DENND3: variants seen among roughly 807,000 people sequenced by gnomAD.
DENND3 encodes DENN domain containing 3.
DENND3 carries 88 observed loss-of-function variants against 135.1 expected under a neutral mutation model. That is an observed-to-expected ratio of 0.65 (90% CI 0.55 to 0.78). The LOEUF is 0.78. Ranked by LOEUF, DENND3 falls within the 30% of genes least tolerant of loss-of-function variation. The probability of loss-of-function intolerance (pLI) is 0.00; values close to 1 mark genes in which losing one functional copy is unlikely to be tolerated. For missense variants in DENND3, 1,392 were observed against 1,688.4 expected, an observed-to-expected ratio of 0.82 and a Z score of 3.08; for synonymous variants, 693 against 712.3, an observed-to-expected ratio of 0.97 and a Z score of 0.43.
intron 5 of DENND3, among the ~76,000 whole-genome samples, chr8:141,145,802 ATTATATATAT>A: frequency 9.7e-6 from 1 of 103,002 alleles, no homozygotes; most frequent in Non-Finnish European, 2.1e-5. Flanking sequence ...AATATTGAAT[ATTATATATAT>A]ATATATATAT....
At chr8:141,152,020 G>A (rs376396989) in intron 7 of DENND3, among the ~76,000 whole-genome samples, 183 bp downstream of exon 7, 5 of 152,252 alleles carry the variant, frequency 3.3e-5, no homozygotes, top group African/African-American at 1.2e-4. Flanking sequence ...ATGAAGCCGG[G>A]ACCCCTTAGT....
chr8:141,165,421 G>C (rs1820649056), intron 11 of DENND3, 132 bp downstream of exon 11: 1 of 642,300 alleles, frequency 1.6e-6, no homozygotes, highest in Non-Finnish European at 2.7e-6. Flanking sequence ...ATGATGAACT[G>C]GGCGACAGCT....
In DENND3 at chr8:141,175,670, C is replaced by A; in HGVS notation, c.2535+211C>A. 1 of 675,838 alleles carries A rather than the reference C, an allele frequency of 1.5e-6. No individual in the cohort carries two copies. The highest frequency in any genetic ancestry group is 2.5e-6 in the Non-Finnish European group (1 of 393,038). The allele number at this position is 675,838 out of a possible 1,614,324, so 41.9% of individuals were successfully genotyped here. ...TGGGTGGTGGAGATTGAATAGTTTG[C>A]ATATGGAGCATGCTTAGAATGGTAA... On this transcript the variant is annotated intron_variant, in intron 14 of 22. Transcript: ENST00000519811. This position sits in a 1 kb window ranked among gnomAD's most constrained non-coding sequence, Gnocchi z 5.4.
chr8:141,143,299 T>G (rs538438827), intron 4 of DENND3, among the ~76,000 whole-genome samples: 5 of 152,356 alleles, frequency 3.3e-5, no homozygotes, highest in Non-Finnish European at 7.4e-5. Flanking sequence ...TACTTTAAGT[T>G]CTAGGGTACA....
chr8:141,188,036 A>ACATCAGCCAGGCATGGTGG (rs1555555119), intron 18 of DENND3, among the ~76,000 whole-genome samples: 1 of 144,196 alleles, frequency 6.9e-6, no homozygotes, highest in African/African-American at 2.6e-5. Context: ...AAACTGCCAA[A>ACATCAGCCAGGCATGGTGG]CATCAGCCAG....
Position 141,182,798 on chromosome 8 carries a change from C to T in DENND3, c.2944+1944C>T, listed in dbSNP as rs574907046. On this transcript the variant is annotated intron_variant, in intron 17 of 22. Transcript: ENST00000519811. The surrounding 1 kb of genome is among the most constrained non-coding windows in gnomAD (Gnocchi z 5.9). ...TCCCATTAGCTTGGGGCTGGGTCTC[C>T]GACAGGTTCCTAGGAGTTAGGAGAA... Among the ~76,000 whole-genome samples, 7 of 152,270 alleles carry T rather than the reference C, an allele frequency of 4.6e-5. No homozygotes were observed. The highest frequency in any genetic ancestry group is 1.2e-4 in the African/African-American group (5 of 41,554).
In DENND3 at chr8:141,168,512, G is replaced by A. The variant is rs777863873; in HGVS notation, c.2262G>A (p.Glu754=). The A allele has an allele frequency of 3.7e-6, 6 of 1,606,840 alleles. No homozygotes were observed. Among genetic ancestry groups the A allele is most frequent in the Admixed American group, 1.7e-5 (1 of 59,786 alleles). The change falls in exon 13 of 23, where the codon GAG becomes GAA. Residue 754 remains glutamate (E), a synonymous_variant. Transcript: ENST00000519811. The surrounding 1 kb of genome is among the most constrained non-coding windows in gnomAD (Gnocchi z 6.2). ...CCAGCATCATACACCGGCTGTTCGA[G>A]GCCTTGACTGTAGGTAAGAGGAGGC... is the stretch of plus-strand genomic sequence containing the variant. ...KDASIIHRLF[E]ALTVGQEKQI...
chr8:141,164,917 G>C (rs1230377921), intron 10 of DENND3, among the ~76,000 whole-genome samples: 5 of 152,242 alleles, frequency 3.3e-5, no homozygotes, highest in Non-Finnish European at 7.3e-5. Context: ...CTTATGGCCA[G>C]AAGCTTGTGT....
chr8:141,145,803 TTATATATATATA>T lies in DENND3; in HGVS notation c.735+1580_735+1591del, dbSNP rs60546894. ...GTTTATTTGTCTTTAATATTGAATA[TTATATATATATA>T]TATATATATATATATATATATATAT... On this transcript the variant is annotated intron_variant, in intron 5 of 22. Transcript: ENST00000519811. Among the ~76,000 whole-genome samples the T allele has an allele frequency of 9.4e-3, 818 of 87,076 alleles. 17 individuals carry two copies. Among genetic ancestry groups the T allele is most frequent in the African/African-American group, 0.022 (542 of 24,468 alleles). The allele number at this position is 87,076 out of a possible 152,430, so 57.1% of individuals were successfully genotyped here.
rs143293855 is a variant in DENND3, at chr8:141,193,705, C to T, written c.3637-328C>T. 4.3e-4 allele frequency: 174 copies of T among 400,082 alleles called. 1 individual carries two copies. In the East Asian group the frequency reaches 7.5e-3, roughly 17 times the overall value. The allele number at this position is 400,082 out of a possible 1,614,324, so 24.8% of individuals were successfully genotyped here. ...GTATACAAGGTGATATTTCAGTATA[C>T]ATTGTGAAATAATCACAAGCTAATT... On this transcript the variant is annotated intron_variant, in intron 22 of 22. Transcript: ENST00000519811.
chr8:141,136,840 C>T, intron 2 of DENND3, 49 bp downstream of exon 2: 7 of 1,484,556 alleles, frequency 4.7e-6, no homozygotes, highest in African/African-American at 1.4e-5. Context: ...TGCCGGCCAC[C>T]CAGAGTGGTC....
intron 17 of DENND3, 79 bp from the exon 18 acceptor site, chr8:141,185,060 C>G (rs963229058): frequency 6.5e-7 from 1 of 1,543,058 alleles, no homozygotes; most frequent in African/African-American, 1.4e-5. Context: ...CCAGGAGGCA[C>G]CTGAGTAAGG....
chr8:141,161,121 A>G (rs1460357289), intron 9 of DENND3, among the ~76,000 whole-genome samples: 1 of 152,108 alleles, frequency 6.6e-6, no homozygotes, highest in African/African-American at 2.4e-5. Flanking sequence ...CTGTTTTGGG[A>G]CAGCCCTCTA....
At position 141,154,792 on chromosome 8, in the gene DENND3, A is replaced by G. The variant is rs1009223330; in HGVS notation, c.1075-1057A>G. On this transcript the variant is annotated intron_variant, in intron 7 of 22. Coordinates refer to ENST00000519811, the MANE Select transcript of DENND3 (RefSeq NM_001352890.3). This position sits in a 1 kb window ranked among gnomAD's most constrained non-coding sequence, Gnocchi z 4.4. ...TGGCCAGGCTGGTCTCAAACTCCTG[A>G]TCTCAGGTGATCCACCCACCTCGGC... 1.3e-5 allele frequency among the ~76,000 whole-genome samples: 2 copies of G among 152,082 alleles called. No individual in the cohort carries two copies. The highest frequency in any genetic ancestry group is 2.9e-5 in the Non-Finnish European group (2 of 68,016).
chr8:141,175,757 T>C lies in DENND3; in HGVS notation c.2535+298T>C. ...CAGGAAGTAAGAATGTGGGCTGACATTCTCATTAGGGACAGTAGGACGCCT... is the reference window on the plus strand; with the variant it reads ...CAGGAAGTAAGAATGTGGGCTGACACTCTCATTAGGGACAGTAGGACGCCT... On this transcript the variant is annotated intron_variant, in intron 14 of 22. Coordinates refer to ENST00000519811, the MANE Select transcript of DENND3 (RefSeq NM_001352890.3). This position sits in a 1 kb window ranked among gnomAD's most constrained non-coding sequence, Gnocchi z 5.4. 2.3e-6 allele frequency: 1 copy of C among 442,876 alleles called. No homozygotes were observed. The highest frequency in any genetic ancestry group is 4.7e-5 in the East Asian group (1 of 21,142). The allele number at this position is 442,876 out of a possible 1,614,324, so 27.4% of individuals were successfully genotyped here.
intron 15 of DENND3, 103 bp downstream of exon 15, chr8:141,176,864 G>C: frequency 7.5e-7 from 1 of 1,330,932 alleles, no homozygotes; most frequent in Non-Finnish European, 1.0e-6. Flanking sequence ...GCTCGGGCTC[G>C]GGTCTGAGTG....
At position 141,141,391 on chromosome 8, in the gene DENND3, A is replaced by T; in HGVS notation, c.623+67A>T. 2.7e-6 allele frequency: 3 copies of T among 1,115,578 alleles called. No homozygotes were observed. The highest frequency in any genetic ancestry group is 1.5e-5 in the South Asian group (1 of 65,722). 69.1% of individuals were successfully genotyped at this position (1,115,578 alleles called of 1,614,324 possible). A position where few individuals can be genotyped will look rare whatever the true frequency, so the allele number is the denominator to read the frequency against. On this transcript the variant is annotated intron_variant, in intron 4 of 22. Coordinates refer to ENST00000519811, the MANE Select transcript of DENND3 (RefSeq NM_001352890.3). The surrounding 1 kb of genome is among the most constrained non-coding windows in gnomAD (Gnocchi z 5.3). Reference sequence around the variant, plus strand: ...TCTTTGTGCCTCTCCAGGTGAGCCAAGGGACCAGGGGGCTGGAGGTGGTGG... The same window carrying T: ...TCTTTGTGCCTCTCCAGGTGAGCCATGGGACCAGGGGGCTGGAGGTGGTGG...
intron 1 of DENND3, among the ~76,000 whole-genome samples, chr8:141,131,906 G>A (rs924518622): frequency 3.3e-5 from 5 of 151,992 alleles, no homozygotes; most frequent in Admixed American, 3.3e-4. Context: ...GTTGTTCAGG[G>A]CAGCCACAAC....
chr8:141,181,911 C>T (rs541125267), intron 17 of DENND3, among the ~76,000 whole-genome samples: 1 of 152,194 alleles, frequency 6.6e-6, no homozygotes, highest in African/African-American at 2.4e-5. Flanking sequence ...TAGCTGGGAC[C>T]ATCGGCTTGT....
Sources: allele counts gnomAD v4.1 joint callset (sites outside exome capture counted in the v4.1 genomes callset), GRCh38; gene constraint gnomAD v4.1.1; non-coding constraint Gnocchi (gnomAD v3.1); transcripts MANE v1.5; gene names NCBI Gene and HGNC (gene_info 2026-07-23, HGNC 2026-07-21).